Variants in ZNF800 observed in about 807,000 individuals in gnomAD.
ZNF800 encodes zinc finger protein 800.
ZNF800 carries 13 observed loss-of-function variants against 59.5 expected under a neutral mutation model. That is an observed-to-expected ratio of 0.22 (90% CI 0.14 to 0.35). The LOEUF is 0.35. ZNF800 is among the 10% of genes least tolerant of loss of function. ZNF800 has a pLI of 1.00. For missense variants in ZNF800, 621 were observed against 783.7 expected, an observed-to-expected ratio of 0.79 and a Z score of 2.48; for synonymous variants, 266 against 265.7, an observed-to-expected ratio of 1.00 and a Z score of -0.01.
At chr7:127,389,619 C>G (rs1801246166) in intron 2 of ZNF800, among the ~76,000 whole-genome samples, 1 of 152,124 alleles carries the variant, frequency 6.6e-6, no homozygotes, top group African/African-American at 2.4e-5. Flanking sequence ...TGACAATGAA[C>G]TACTCTATAA....
In ZNF800 at chr7:127,373,707, T is replaced by C; in HGVS notation, c.1629A>G (p.Lys543=). 1 of 1,614,198 alleles carries C rather than the reference T, an allele frequency of 6.2e-7. No individual in the cohort carries two copies. The highest frequency in any genetic ancestry group is 8.5e-7 in the Non-Finnish European group (1 of 1,180,016). ...TTTTCCCAAGATAACGAGATGACTTTTTATGAACCACAGTTATATGTCGTA... is the reference window on the plus strand; with the variant it reads ...TTTTCCCAAGATAACGAGATGACTTCTTATGAACCACAGTTATATGTCGTA... The part of the protein sequence containing the change: ...DVIRHITVVH[K]KSSRYLGKIT... Residue 543 remains lysine (K), a synonymous_variant, in exon 5 of 6, where the codon AAA becomes AAG. Coordinates refer to ENST00000265827, the MANE Select transcript of ZNF800 (RefSeq NM_176814.5).
At chr7:127,347,319 A>G (rs1800083781) in exon 2 of ZNF800, 2 of 137,942 alleles carry the variant, frequency 1.4e-5, no homozygotes, top group Admixed American at 8.0e-5. Flanking sequence ...CCCCACAGTC[A>G]CTGAGGATTT....
At chr7:127,385,165 T>A (rs188571841) in intron 3 of ZNF800, among the ~76,000 whole-genome samples, 1 of 152,330 alleles carries the variant, frequency 6.6e-6, no homozygotes, top group East Asian at 1.9e-4. Context: ...AGTAGTTACA[T>A]ATGAATTATT....
At chr7:127,379,836 A>AACCCCC (rs1800904967) in intron 3 of ZNF800, among the ~76,000 whole-genome samples, 1 of 27,636 alleles carries the variant, frequency 3.6e-5, no homozygotes. Flanking sequence ...TACCCTTGCC[A>AACCCCC]CCCCCCCACC....
intron 3 of ZNF800, among the ~76,000 whole-genome samples, chr7:127,382,033 A>G (rs908859087): frequency 3.9e-5 from 6 of 152,198 alleles, no homozygotes; most frequent in African/African-American, 1.4e-4. Flanking sequence ...ATACAATTAA[A>G]GTTACAATTT....
chr7:127,391,724 C>T (rs1801325703), intron 1 of ZNF800, 109 bp from the exon 2 acceptor site: 5 of 644,848 alleles, frequency 7.8e-6, no homozygotes, highest in Non-Finnish European at 1.4e-5. Context: ...CCTCCACGGA[C>T]CCGCACCTCC....
intron 3 of ZNF800, among the ~76,000 whole-genome samples, chr7:127,383,498 T>C (rs993752292): frequency 6.6e-6 from 1 of 152,170 alleles, no homozygotes; most frequent in African/African-American, 2.4e-5. Context: ...TAGAAATAGA[T>C]GAGTCATTGA....
intron 4 of ZNF800, 28 bp from the exon 5 acceptor site, chr7:127,375,062 C>G (rs775100011): frequency 1.3e-6 from 2 of 1,510,048 alleles, no homozygotes; most frequent in Non-Finnish European, 1.8e-6. Context: ...ACATTTTAAT[C>G]TGAAGTAATT....
At chr7:127,367,926 C>G (rs533344033), downstream of ZNF800, among the ~76,000 whole-genome samples, 2 of 151,996 alleles carry the variant, frequency 1.3e-5, no homozygotes, top group Non-Finnish European at 2.9e-5. Flanking sequence ...AACAGATGCA[C>G]CTATGGTATG....
At chr7:127,349,050 A>C (rs139244563) in intron 1 of ZNF800, among the ~76,000 whole-genome samples, 8 of 152,254 alleles carry the variant, frequency 5.3e-5, no homozygotes, top group African/African-American at 1.9e-4. Context: ...AACTCTAGTA[A>C]TAATTTCCAC....
At chr7:127,366,991 G>C (rs17864971), downstream of ZNF800, among the ~76,000 whole-genome samples, 2,293 of 152,282 alleles carry the variant, frequency 0.015, 68 homozygotes, top group African/African-American at 0.053. Flanking sequence ...GAACGAGGCA[G>C]TTAAGACCAT....
chr7:127,388,637 C>T (rs1248188315), intron 2 of ZNF800, among the ~76,000 whole-genome samples: 1 of 151,638 alleles, frequency 6.6e-6, no homozygotes, highest in Non-Finnish European at 1.5e-5. Context: ...GTATAAAATA[C>T]ACCAACTTCC....
intron 3 of ZNF800, among the ~76,000 whole-genome samples, chr7:127,384,227 CTTTTTTTTTTTTTT>C (rs577977623): frequency 3.2e-4 from 20 of 63,394 alleles, no homozygotes; most frequent in Admixed American, 7.6e-4. Flanking sequence ...ATTCTAACTT[CTTTTTTTTTTTTTT>C]TTTTTTTTTT....
intron 3 of ZNF800, 107 bp downstream of exon 3, chr7:127,385,953 A>C (rs1801128654): frequency 1.5e-6 from 1 of 685,084 alleles, no homozygotes; most frequent in Non-Finnish European, 2.4e-6. Context: ...CTATAAAGAA[A>C]GCCAACATAT....
At chr7:127,383,328 C>T (rs986081050) in intron 3 of ZNF800, among the ~76,000 whole-genome samples, 1 of 152,208 alleles carries the variant, frequency 6.6e-6, no homozygotes, top group African/African-American at 2.4e-5. Flanking sequence ...GATAACCTAA[C>T]ATATTACTAC....
At chr7:127,351,093 G>T (rs148433975) in intron 1 of ZNF800, among the ~76,000 whole-genome samples, 37 of 152,304 alleles carry the variant, frequency 2.4e-4, no homozygotes, top group African/African-American at 8.9e-4. Flanking sequence ...TTCCAAGTCT[G>T]AAGTGAGTGA....
At chr7:127,364,400 T>G (rs942745018) in intron 1 of ZNF800, 2 of 152,100 alleles carry the variant, frequency 1.3e-5, no homozygotes, top group African/African-American at 2.4e-5. Context: ...TGGGCTTCGG[T>G]GAATCAACCA....
At chr7:127,356,487 A>G (rs1800273030) in intron 1 of ZNF800, among the ~76,000 whole-genome samples, 1 of 152,060 alleles carries the variant, frequency 6.6e-6, no homozygotes, top group African/African-American at 2.4e-5. Flanking sequence ...CAATCCTTCA[A>G]ACACCCAAAT....
intron 4 of ZNF800, among the ~76,000 whole-genome samples, chr7:127,376,001 ATAAGT>A (rs1181362896): frequency 1.3e-5 from 2 of 151,992 alleles, no homozygotes; most frequent in African/African-American, 2.4e-5. Context: ...ATTTCACTCT[ATAAGT>A]TAACTCTACA....
Sources: allele counts gnomAD v4.1 joint callset (sites outside exome capture counted in the v4.1 genomes callset), GRCh38; gene constraint gnomAD v4.1.1; transcripts MANE v1.5; gene names NCBI Gene and HGNC (gene_info 2026-07-23, HGNC 2026-07-21).